SEC31A: variants seen among roughly 807,000 people sequenced by gnomAD.
SEC31A encodes SEC31 homolog A, COPII component.
In SEC31A, 70 loss-of-function variants were observed where a neutral mutation model predicts 151.0. The observed-to-expected ratio is 0.46, with a 90% CI of 0.38 to 0.57. The LOEUF is 0.57. Among genes scored for constraint, SEC31A ranks in the 20% least tolerant of loss-of-function variants. The pLI, the probability that SEC31A is intolerant of heterozygous loss-of-function variation, is 0.00. For missense variants in SEC31A, 1,330 were observed against 1,471.2 expected, an observed-to-expected ratio of 0.90 and a Z score of 1.57; for synonymous variants, 475 against 505.9, an observed-to-expected ratio of 0.94 and a Z score of 0.82.
rs531630470 is a variant in SEC31A at position 82,859,942 on chromosome 4, AC to A, written c.1626+1688del. Among the ~76,000 whole-genome samples the A allele has an allele frequency of 1.8e-4, 27 of 151,828 alleles. No individual in the cohort carries two copies. In the East Asian group the frequency reaches 5.0e-3, roughly 28 times the overall value. On this transcript the variant is annotated intron_variant, in intron 14 of 26. Coordinates refer to ENST00000395310, the MANE Select transcript of SEC31A (RefSeq NM_001077207.4). ...AAGTAGCTGGGACTACAGGCGCCCC[AC>A]CACAACGCCTGGCTAAATTTTTGTA... is the stretch of plus-strand genomic sequence containing the variant.
rs1359054729 is a variant in SEC31A at position 82,864,543 on chromosome 4, G to T, written c.1253C>A (p.Ala418Asp). Residue 418 changes from alanine to aspartate, a missense_variant, in exon 11 of 27, where the codon GCT becomes GAT. By Grantham distance (126) the Ala-to-Asp change is moderately radical. Transcript: ENST00000395310. ...ENVRMPSHQG[A>D]EQQQQQHHVF... ...ATGGTGCTGCTGCTGCTGCTGCTCA[G>T]CTCCCTGATGAGAAGGCATTCTGAC... The T allele has an allele frequency of 6.2e-7, 1 of 1,613,928 alleles. No homozygotes were observed. Among genetic ancestry groups the T allele is most frequent in the Non-Finnish European group, 8.5e-7 (1 of 1,180,022 alleles).
At chr4:82,860,866 T>G (rs1733982867) in intron 14 of SEC31A, among the ~76,000 whole-genome samples, 1 of 152,142 alleles carries the variant, frequency 6.6e-6, no homozygotes, top group African/African-American at 2.4e-5. Context: ...GGAGAATGAT[T>G]TTTGCAATCA....
Position 82,867,417 on chromosome 4 carries a change from A to C in SEC31A, c.883-101T>G, listed in dbSNP as rs1370725459. 19 of 931,056 alleles carry C rather than the reference A, an allele frequency of 2.0e-5. 2 individuals carry two copies. Among genetic ancestry groups the C allele is most frequent in the Non-Finnish European group, 3.0e-5 (19 of 624,212 alleles). The allele number at this position is 931,056 out of a possible 1,614,324, so 57.7% of individuals were successfully genotyped here. On this transcript the variant is annotated intron_variant, in intron 8 of 26. Coordinates refer to ENST00000395310, the MANE Select transcript of SEC31A (RefSeq NM_001077207.4). The stretch of plus-strand genomic sequence containing the variant: ...GTGGTCAACAAGTATAGTTAAATTG[A>C]ATATTTTTTTGTAGAAAGTATCTTT...
intron 7 of SEC31A, among the ~76,000 whole-genome samples, chr4:82,870,929 T>C (rs1484435316): frequency 6.6e-6 from 1 of 152,126 alleles, no homozygotes; most frequent in Non-Finnish European, 1.5e-5. Context: ...TAAAAATTAT[T>C]CTATACACTT....
intron 13 of SEC31A, 41 bp downstream of exon 13, chr4:82,862,493 C>T: frequency 6.4e-7 from 1 of 1,555,994 alleles, no homozygotes; most frequent in South Asian, 1.1e-5. Context: ...TATGACCTAG[C>T]CAAAGTTTTA....
chr4:82,893,824 T>C (rs1285896172), upstream of SEC31A: 1 of 152,316 alleles, frequency 6.6e-6, no homozygotes, highest in Non-Finnish European at 1.5e-5. Context: ...TGATACCAGC[T>C]ATTTAGTCCA....
Position 82,818,979 on chromosome 4 carries a change from CATGCTA to C in SEC31A, c.*89_*94del. 2 of 953,670 alleles carry C rather than the reference CATGCTA, an allele frequency of 2.1e-6. No individual in the cohort carries two copies. Among genetic ancestry groups the C allele is most frequent in the Non-Finnish European group, 3.0e-6 (2 of 659,954 alleles). The allele number at this position is 953,670 out of a possible 1,614,324, so 59.1% of individuals were successfully genotyped here. Reference sequence around the variant, plus strand: ...TGCTCTTGACTGGTTGCTATGCAAACATGCTAATGAGGACTAGTCCATGTCTTATAA... The same window carrying C: ...TGCTCTTGACTGGTTGCTATGCAAACATGAGGACTAGTCCATGTCTTATAA... On this transcript the variant is annotated 3_prime_UTR_variant, in exon 27 of 27. Transcript: ENST00000395310.
At chr4:82,868,715 AGACAGG>A (rs1454695864) in intron 8 of SEC31A, among the ~76,000 whole-genome samples, 1 of 151,708 alleles carries the variant, frequency 6.6e-6, no homozygotes, top group African/African-American at 2.4e-5. Flanking sequence ...TTTATTTTTG[AGACAGG>A]GTCTCACACT....
At position 82,864,359 on chromosome 4, in the gene SEC31A, T is replaced by C. The variant is rs373998653; in HGVS notation, c.1434+3A>G. On this transcript the variant is annotated splice_donor_region_variant and intron_variant, in intron 11 of 26. Transcript: ENST00000395310. ...ATAATATAGCTTTAAACAGCAACTT[T>C]ACCTTCAAAAAGGACCACACATTTT... 6.2e-6 allele frequency: 10 copies of C among 1,601,106 alleles called. No homozygotes were observed. In the African/African-American group the frequency reaches 1.3e-4, roughly 21 times the overall value.
chr4:82,882,326 CG>C (rs1260840915), intron 1 of SEC31A, among the ~76,000 whole-genome samples: 1 of 145,052 alleles, frequency 6.9e-6, no homozygotes, highest in Non-Finnish European at 1.5e-5. Flanking sequence ...TGGCATGACC[CG>C]GAAGACAGAG....
Position 82,891,128 on chromosome 4 carries a change from G to T in SEC31A, c.-45C>A. 1 of 1,535,942 alleles carries T rather than the reference G, an allele frequency of 6.5e-7. No homozygotes were observed. Among genetic ancestry groups the T allele is most frequent in the Non-Finnish European group, 8.7e-7 (1 of 1,146,776 alleles). On this transcript the variant is annotated 5_prime_UTR_variant, in exon 1 of 27. In the 5' UTR this introduces an upstream ATG that the reference lacks. Transcript: ENST00000395310. ...GGCAGCCGGATCCTGCGTTAGTGCA[G>T]CGCTCGTCGGACTCTCCCAGCATTC...
At position 82,878,710 on chromosome 4, in the gene SEC31A, T is replaced by C. The variant is rs1332637320; in HGVS notation, c.402+20A>G. ...TGAGCAGCACATAGTCTAAGAATTA[T>C]GAAATGTTAAAGTCTTAACCTGGAA... is the stretch of plus-strand genomic sequence containing the variant. On this transcript the variant is annotated intron_variant, in intron 4 of 26. Coordinates refer to ENST00000395310, the MANE Select transcript of SEC31A (RefSeq NM_001077207.4). The C allele has an allele frequency of 6.3e-7, 1 of 1,593,582 alleles. No individual in the cohort carries two copies. The highest frequency in any genetic ancestry group is 1.1e-5 in the South Asian group (1 of 90,554).
intron 16 of SEC31A, 104 bp from the exon 17 acceptor site, chr4:82,855,133 G>T: frequency 1.1e-6 from 1 of 926,556 alleles, no homozygotes; most frequent in Non-Finnish European, 1.5e-6. Flanking sequence ...AAATGCAGCA[G>T]CAAAATGAAG....
intron 20 of SEC31A, among the ~76,000 whole-genome samples, chr4:82,847,302 G>A (rs1730449119): frequency 6.6e-6 from 1 of 152,146 alleles, no homozygotes; most frequent in Non-Finnish European, 1.5e-5. Flanking sequence ...TGTTAACACT[G>A]CATTAAAACC....
chr4:82,851,554 T>G lies in SEC31A; in HGVS notation c.2205A>C (p.Gln735His), dbSNP rs768418127. ...CTCCTACAGTACTAGTGTCCATGGCTTGAGTGAGTTGCACAGCTTTTCGCA... is the reference window on the plus strand; with the variant it reads ...CTCCTACAGTACTAGTGTCCATGGCGTGAGTGAGTTGCACAGCTTTTCGCA... ...VILRKAVQLT[Q>H]AMDTSTVGVL... Residue 735 changes from glutamine (Q) to histidine (H), a missense_variant, in exon 19 of 27, where the codon CAA (glutamine) becomes CAC (histidine). Coordinates refer to ENST00000395310, the MANE Select transcript of SEC31A (RefSeq NM_001077207.4). The G allele has an allele frequency of 3.1e-6, 5 of 1,613,296 alleles. No individual in the cohort carries two copies. The highest frequency in any genetic ancestry group is 3.3e-5 in the Admixed American group (2 of 59,922).
chr4:82,874,502 C>T (rs971847595), intron 6 of SEC31A, 109 bp downstream of exon 6: 2 of 1,093,928 alleles, frequency 1.8e-6, no homozygotes, highest in African/African-American at 3.2e-5. Flanking sequence ...AATAAAAAAA[C>T]AGGATTTGAC....
At chr4:82,859,116 A>G (rs1733481117) in intron 14 of SEC31A, among the ~76,000 whole-genome samples, 1 of 152,090 alleles carries the variant, frequency 6.6e-6, no homozygotes, top group Non-Finnish European at 1.5e-5. Flanking sequence ...TTTTAACTGA[A>G]TCATAAAAAA....
At chr4:82,887,248 T>C (rs1173452493) in intron 1 of SEC31A, among the ~76,000 whole-genome samples, 6 of 152,216 alleles carry the variant, frequency 3.9e-5, no homozygotes, top group African/African-American at 1.4e-4. Context: ...ACCTAATTCA[T>C]TAATGCTTGG....
chr4:82,874,623 G>C lies in SEC31A; in HGVS notation c.627C>G (p.Asp209Glu), dbSNP rs370412636. The C allele has an allele frequency of 6.2e-7, 1 of 1,609,810 alleles. No individual in the cohort carries two copies. Among genetic ancestry groups the C allele is most frequent in the Non-Finnish European group, 8.5e-7 (1 of 1,179,308 alleles). ...ATCACATACTTACTCTGTTACTATG[G>C]TCACTGACTTTGATGATTGGCTCAT... ...RKNEPIIKVS[D>E]HSNRMHCSGL... The change falls in exon 6 of 27, where the codon GAC becomes GAG. Residue 209 changes from aspartate (D) to glutamate (E), a missense_variant. Coordinates refer to ENST00000395310, the MANE Select transcript of SEC31A (RefSeq NM_001077207.4).
Sources: gnomAD v4.1 joint callset for allele counts (sites outside exome capture counted in the v4.1 genomes callset) on GRCh38, gnomAD v4.1.1 for gene constraint, MANE v1.5 for transcripts, NCBI Gene and HGNC (gene_info 2026-07-23, HGNC 2026-07-21) for gene names.